TMEM245: variants seen among roughly 807,000 people sequenced by gnomAD.
TMEM245 encodes transmembrane protein 245, also known as protein CG-2.
A neutral mutation model predicts 101.2 loss-of-function variants in TMEM245; 69 were observed. The ratio of observed to expected loss-of-function variants is 0.68; its 90% confidence interval spans 0.56 to 0.83. The LOEUF is 0.83. TMEM245 is among the 40% of genes least tolerant of loss of function. The pLI, the probability that TMEM245 is intolerant of heterozygous loss-of-function variation, is 0.00. For missense variants in TMEM245, 1,075 were observed against 1,092.8 expected (o/e 0.98, Z 0.23); for synonymous variants, 537 against 449.8 (o/e 1.19, Z -2.45).
chr9:109,106,568 T>C lies in TMEM245; in HGVS notation c.739A>G (p.Ile247Val), dbSNP rs371147293. 79 of 1,613,160 alleles carry C rather than the reference T, an allele frequency of 4.9e-5. No individual in the cohort carries two copies. The South Asian group carries it at 7.6e-4, about 15-fold the overall frequency. Residue 247 changes from isoleucine to valine, a missense_variant, in exon 3 of 18, where the codon ATT becomes GTT. Transcript: ENST00000374586. ...GSWRIPVFLVIVFLMSVGTLY... is the reference protein window; with the variant it reads ...GSWRIPVFLVVVFLMSVGTLY... ...GTACCCACAGACATCAGGAAAACAA[T>C]AACCAGGAATACTGGAATTCTCCAT...
chr9:109,110,060 T>A (rs977749264), intron 1 of TMEM245, among the ~76,000 whole-genome samples: 1 of 152,174 alleles, frequency 6.6e-6, no homozygotes, highest in Non-Finnish European at 1.5e-5. Flanking sequence ...CAAGTAACTC[T>A]ATCAGATGAA....
intron 3 of TMEM245, 70 bp from the exon 4 acceptor site, chr9:109,093,661 C>G (rs1367020557): frequency 1.6e-6 from 2 of 1,235,658 alleles, no homozygotes; most frequent in Admixed American, 1.7e-5. Flanking sequence ...TAAACACAGT[C>G]CAACATTTTC....
intron 5 of TMEM245, among the ~76,000 whole-genome samples, chr9:109,088,420 G>T (rs1829903588): frequency 6.6e-6 from 1 of 152,136 alleles, no homozygotes; most frequent in Non-Finnish European, 1.5e-5. Flanking sequence ...TGACTAGAAG[G>T]TTAAGCTATA....
chr9:109,062,927 G>A lies in TMEM245; in HGVS notation c.1623+1550C>T, dbSNP rs543856035. Among the ~76,000 whole-genome samples, 75 of 151,762 alleles carry A rather than the reference G, an allele frequency of 4.9e-4. 1 individual carries two copies. The highest frequency in any genetic ancestry group is 1.7e-3 in the African/African-American group (70 of 41,400). Reference sequence around the variant, plus strand: ...GGAAGTTGCAGTGAGCTGAGATCACGCCACTGCACTCCAGCCTGGGCAACA... The same window carrying A: ...GGAAGTTGCAGTGAGCTGAGATCACACCACTGCACTCCAGCCTGGGCAACA... On this transcript the variant is annotated intron_variant, in intron 10 of 17. Coordinates refer to ENST00000374586, the MANE Select transcript of TMEM245 (RefSeq NM_032012.4).
chr9:109,030,782 C>A (rs10979661), intron 17 of TMEM245, among the ~76,000 whole-genome samples: 22,442 of 152,160 alleles, frequency 0.15, 1,885 homozygotes, highest in African/African-American at 0.19. Flanking sequence ...CTAAGGATCA[C>A]GCATTGGCTA....
intron 12 of TMEM245, 69 bp from the exon 13 acceptor site, chr9:109,050,761 T>C: frequency 6.4e-7 from 1 of 1,573,360 alleles, no homozygotes; most frequent in Non-Finnish European, 8.7e-7. Context: ...CCATCTAGTG[T>C]GCTTTTAATA....
chr9:109,067,784 C>T (rs1485344451), intron 9 of TMEM245, among the ~76,000 whole-genome samples: 2 of 152,140 alleles, frequency 1.3e-5, no homozygotes, highest in East Asian at 1.9e-4. Context: ...GCTTACGAGG[C>T]ACATCCAGCA....
chr9:109,090,889 A>G (rs925104732), intron 5 of TMEM245, 33 bp downstream of exon 5: 1 of 1,586,628 alleles, frequency 6.3e-7, no homozygotes. Context: ...ATCTTCAAAG[A>G]CAAGACGAGA....
At chr9:109,116,780 G>A (rs1830734668) in intron 1 of TMEM245, among the ~76,000 whole-genome samples, 1 of 152,012 alleles carries the variant, frequency 6.6e-6, no homozygotes, top group Non-Finnish European at 1.5e-5. Flanking sequence ...CACCTGTGTG[G>A]GCCTCCCAAA....
chr9:109,046,318 G>A (rs1000677684), intron 14 of TMEM245: 1 of 533,952 alleles, frequency 1.9e-6, no homozygotes, highest in Non-Finnish European at 3.9e-6. Flanking sequence ...AGCAGAATGG[G>A]AGCATCAGGG....
At chr9:109,079,028 T>C (rs1031074347) in intron 8 of TMEM245, among the ~76,000 whole-genome samples, 2 of 152,148 alleles carry the variant, frequency 1.3e-5, no homozygotes, top group African/African-American at 2.4e-5. Context: ...CACTGAAGAA[T>C]ACTTCCTTCA....
At chr9:109,099,302 T>C (rs1449561598) in intron 3 of TMEM245, among the ~76,000 whole-genome samples, 3 of 152,170 alleles carry the variant, frequency 2.0e-5, no homozygotes, top group Admixed American at 6.5e-5. Context: ...CAGTAAAACA[T>C]TTGGTTTGCT....
chr9:109,033,418 A>G lies in TMEM245; in HGVS notation c.2483T>C (p.Ile828Thr). The change falls in exon 17 of 18, where the codon ATT (isoleucine) becomes ACT (threonine). Residue 828 changes from isoleucine to threonine, a missense_variant. By Grantham distance (89) the Ile-to-Thr change is moderately conservative. This residue lies in a region of TMEM245 where 267 missense variants were observed against 351.3 expected (regional missense o/e 0.76). Coordinates refer to ENST00000374586, the MANE Select transcript of TMEM245 (RefSeq NM_032012.4). ...LGLEGAIIGPILLCILVVASN... is the reference protein window; with the variant it reads ...LGLEGAIIGPTLLCILVVASN... ...AGCAACCACAAGTATGCAGAGAAGA[A>G]TAGGACCGATGATTGCTCCTTCCAG... The G allele has an allele frequency of 6.2e-7, 1 of 1,614,168 alleles. No individual in the cohort carries two copies. The highest frequency in any genetic ancestry group is 8.5e-7 in the Non-Finnish European group (1 of 1,180,004).
chr9:109,026,887 G>C (rs1193231175), intron 17 of TMEM245, among the ~76,000 whole-genome samples: 2 of 151,962 alleles, frequency 1.3e-5, no homozygotes, highest in African/African-American at 4.8e-5. Flanking sequence ...CTCTCTCCAT[G>C]TGACACACCT....
At chr9:109,118,009 T>G (rs1280713613) in intron 1 of TMEM245, among the ~76,000 whole-genome samples, 5 of 152,242 alleles carry the variant, frequency 3.3e-5, no homozygotes, top group Non-Finnish European at 2.9e-5. Flanking sequence ...CTGTGTGACT[T>G]TGGACCAATC....
chr9:109,056,885 G>A (rs934068988), intron 12 of TMEM245, among the ~76,000 whole-genome samples: 2 of 152,094 alleles, frequency 1.3e-5, no homozygotes, highest in African/African-American at 4.8e-5. Context: ...AATGTAACTG[G>A]AACCATATTT....
chr9:109,100,635 T>C (rs1471828309), intron 3 of TMEM245, among the ~76,000 whole-genome samples: 2 of 152,228 alleles, frequency 1.3e-5, no homozygotes, highest in African/African-American at 2.4e-5. Context: ...AATTATAGCA[T>C]GAGCCATTAT....
Position 109,036,188 on chromosome 9 carries a change from A to G in TMEM245, c.2399+18T>C. ...TGCCTGGATGATTCACTAATAAGAA[A>G]TTCTGTGGCTTACTTACCCTGATAT... On this transcript the variant is annotated intron_variant, in intron 16 of 17. Transcript: ENST00000374586. 1 of 1,550,654 alleles carries G rather than the reference A, an allele frequency of 6.4e-7. No homozygotes were observed. The highest frequency in any genetic ancestry group is 1.8e-4 in the Middle Eastern group (1 of 5,710).
rs1188227411 is a variant in TMEM245 at position 109,050,615 on chromosome 9, G to A, written c.1932C>T (p.Ile644=). Residue 644 remains isoleucine, a synonymous_variant, in exon 13 of 18, where the codon ATC becomes ATT. Coordinates refer to ENST00000374586, the MANE Select transcript of TMEM245 (RefSeq NM_032012.4). ...LFTTVTTLLT[I]LFYSGTALLN... ...GAAGGGCTGTCCCGCTGTAGAAGAGGATGGTCAAGAGTGTAGTGACAGTGG... is the reference window on the plus strand; with the variant it reads ...GAAGGGCTGTCCCGCTGTAGAAGAGAATGGTCAAGAGTGTAGTGACAGTGG... 1 of 1,613,788 alleles carries A rather than the reference G, an allele frequency of 6.2e-7. No individual in the cohort carries two copies. The highest frequency in any genetic ancestry group is 1.1e-5 in the South Asian group (1 of 91,056).
Sources: allele counts gnomAD v4.1 joint callset (sites outside exome capture counted in the v4.1 genomes callset), GRCh38; gene constraint gnomAD v4.1.1; regional missense constraint gnomAD v4.1.1; transcripts MANE v1.5; gene names NCBI Gene and HGNC (gene_info 2026-07-23, HGNC 2026-07-21).